Variants in PACRG observed in about 807,000 individuals in gnomAD.
PACRG encodes the protein parkin coregulated, also known as parkin coregulated gene protein.
PACRG carries 29 observed loss-of-function variants against 29.7 expected under a neutral mutation model. The observed-to-expected ratio is 0.98, with a 90% CI of 0.73 to 1.33. The LOEUF is 1.33. Ranked by LOEUF, PACRG falls within the 40% of genes most tolerant of loss-of-function variation. PACRG has a pLI of 0.00. For synonymous variants in PACRG, 116 were observed against 118.7 expected, an observed-to-expected ratio of 0.98 and a Z score of 0.15; for missense variants, 279 against 316.2, an observed-to-expected ratio of 0.88 and a Z score of 0.89.
chr6:162,872,218 C>A (rs1792883837), intron 2 of PACRG, among the ~76,000 whole-genome samples: 1 of 11,538 alleles, frequency 8.7e-5, no homozygotes. Flanking sequence ...GCCCTAAGTT[C>A]TCTATGAGAG....
intron 3 of PACRG, among the ~76,000 whole-genome samples, chr6:163,074,731 A>G (rs1012864232): frequency 1.3e-5 from 2 of 152,216 alleles, no homozygotes; most frequent in Admixed American, 1.3e-4. Flanking sequence ...TAAAATACAT[A>G]CAGAAAACCA....
chr6:163,193,013 A>G (rs573227474), intron 4 of PACRG, among the ~76,000 whole-genome samples: 1 of 152,338 alleles, frequency 6.6e-6, no homozygotes, highest in South Asian at 2.1e-4. Flanking sequence ...CCTTTTTTAA[A>G]CCCAATAAAC....
intron 2 of PACRG, among the ~76,000 whole-genome samples, chr6:162,949,353 G>A (rs1799480388): frequency 6.6e-6 from 1 of 152,152 alleles, no homozygotes; most frequent in Admixed American, 6.5e-5. Context: ...AGACTGGGAA[G>A]GATGTGCAGG....
chr6:163,152,348 GT>G (rs1171927154), intron 4 of PACRG, among the ~76,000 whole-genome samples: 6 of 152,148 alleles, frequency 3.9e-5, no homozygotes, highest in Admixed American at 6.5e-5. Context: ...TCGAAATCCT[GT>G]TACATCTGGG....
chr6:162,948,288 TA>T (rs1478532295), intron 2 of PACRG, among the ~76,000 whole-genome samples: 1 of 152,104 alleles, frequency 6.6e-6, no homozygotes, highest in East Asian at 1.9e-4. Context: ...ACAACATACA[TA>T]GGGGGAAAAC....
At chr6:162,732,162 A>G (rs914300618) in intron 1 of PACRG, among the ~76,000 whole-genome samples, 6 of 152,010 alleles carry the variant, frequency 3.9e-5, no homozygotes, top group African/African-American at 1.4e-4. Flanking sequence ...CCTTTTTGCA[A>G]AAGCCTATGA....
At chr6:163,278,391 G>A (rs1784121916) in intron 4 of PACRG, among the ~76,000 whole-genome samples, 1 of 152,086 alleles carries the variant, frequency 6.6e-6, no homozygotes, top group African/African-American at 2.4e-5. Flanking sequence ...TGGGTTCTTG[G>A]TCATGAAGTC....
chr6:162,970,345 G>A (rs1446230083), intron 2 of PACRG, among the ~76,000 whole-genome samples: 1 of 152,114 alleles, frequency 6.6e-6, no homozygotes, highest in Non-Finnish European at 1.5e-5. Context: ...ATCGATTTCG[G>A]AGCTGCTGTG....
intron 2 of PACRG, among the ~76,000 whole-genome samples, chr6:162,883,449 C>T (rs1359596703): frequency 6.6e-6 from 1 of 152,104 alleles, no homozygotes; most frequent in Non-Finnish European, 1.5e-5. Context: ...ATGTAAGTTC[C>T]CCTTTCATTC....
chr6:163,180,008 T>A (rs753858657), intron 4 of PACRG, among the ~76,000 whole-genome samples: 28 of 152,254 alleles, frequency 1.8e-4, no homozygotes, highest in Non-Finnish European at 3.7e-4. Context: ...CCTGTGTAGT[T>A]TATCCAGTGG....
chr6:162,739,625 C>T (rs1195797253), intron 1 of PACRG, among the ~76,000 whole-genome samples: 3 of 151,982 alleles, frequency 2.0e-5, no homozygotes, highest in African/African-American at 4.8e-5. Context: ...AGGTGAATCA[C>T]GAGGTCAGGA....
At chr6:163,117,289 T>C (rs1033415358) in intron 4 of PACRG, among the ~76,000 whole-genome samples, 7 of 152,182 alleles carry the variant, frequency 4.6e-5, no homozygotes, top group African/African-American at 1.4e-4. Flanking sequence ...GAGTGGCCCC[T>C]GTGCTGTGGC....
At chr6:162,914,760 G>C (rs1348040327) in intron 2 of PACRG, among the ~76,000 whole-genome samples, 2 of 151,620 alleles carry the variant, frequency 1.3e-5, no homozygotes, top group East Asian at 3.9e-4. Context: ...TTAGTGCAGA[G>C]TCATAAATAC....
At chr6:163,266,032 G>A (rs1048422500) in intron 4 of PACRG, among the ~76,000 whole-genome samples, 28 of 152,150 alleles carry the variant, frequency 1.8e-4, no homozygotes, top group African/African-American at 6.5e-4. Context: ...AATAGTAACA[G>A]ACCAATTCCT....
At chr6:163,138,154 A>G (rs1024130401) in intron 4 of PACRG, among the ~76,000 whole-genome samples, 16 of 152,244 alleles carry the variant, frequency 1.1e-4, no homozygotes, top group African/African-American at 3.6e-4. Context: ...ATTTGACAGT[A>G]ATGTTTTTAT....
At chr6:162,732,872 G>A (rs2128249897) in intron 1 of PACRG, among the ~76,000 whole-genome samples, 1 of 152,196 alleles carries the variant, frequency 6.6e-6, no homozygotes, top group South Asian at 2.1e-4. Flanking sequence ...ACTTCCCCAG[G>A]GCCAGCAAGG....
At chr6:162,736,621 C>T (rs1780182955) in intron 1 of PACRG, among the ~76,000 whole-genome samples, 1 of 149,790 alleles carries the variant, frequency 6.7e-6, no homozygotes, top group Admixed American at 6.6e-5. Context: ...AGGCTCCCAG[C>T]TACTGTGGTT....
At chr6:162,961,895 G>A (rs1003394517) in intron 2 of PACRG, among the ~76,000 whole-genome samples, 5 of 152,098 alleles carry the variant, frequency 3.3e-5, no homozygotes, top group Admixed American at 1.3e-4. Flanking sequence ...CTGTGAGCTG[G>A]CCCCTACCTA....
chr6:163,222,107 A>G (rs377569932), intron 4 of PACRG, among the ~76,000 whole-genome samples: 1 of 103,324 alleles, frequency 9.7e-6, no homozygotes, highest in African/African-American at 4.5e-5. Flanking sequence ...AAAACTGTAA[A>G]GTATTTTGTA....
Sources: allele counts gnomAD v4.1 joint callset (sites outside exome capture counted in the v4.1 genomes callset), GRCh38; gene constraint gnomAD v4.1.1; transcripts MANE v1.5; gene names NCBI Gene and HGNC (gene_info 2026-07-23, HGNC 2026-07-21).